The following CDC42BPA variants were observed in gnomAD, a reference collection of about 807,000 sequenced individuals.
The protein encoded by CDC42BPA is serine/threonine-protein kinase MRCK alpha.
A neutral mutation model predicts 223.5 loss-of-function variants in CDC42BPA; 80 were observed. The ratio of observed to expected loss-of-function variants is 0.36; its 90% CI spans 0.30 to 0.43. The LOEUF (loss-of-function observed/expected upper bound fraction) is 0.43. Ranked by LOEUF, CDC42BPA falls within the 20% of genes least tolerant of loss-of-function variation. The pLI is 1.00. For synonymous variants in CDC42BPA, 694 were observed against 718.6 expected, an observed-to-expected ratio of 0.97 and a Z score of 0.55; for missense variants, 1,743 against 2,099.9, an observed-to-expected ratio of 0.83 and a Z score of 3.32.
At chr1:227,251,082 T>A (rs932382805) in intron 2 of CDC42BPA, among the ~76,000 whole-genome samples, 1 of 152,094 alleles carries the variant, frequency 6.6e-6, no homozygotes, top group Non-Finnish European at 1.5e-5. Flanking sequence ...TTAAAGGGAA[T>A]TTTTAAGTCA....
chr1:227,068,842 T>C (rs543992385), intron 21 of CDC42BPA: 2 of 196,564 alleles, frequency 1.0e-5, no homozygotes, highest in Non-Finnish European at 2.2e-5. Context: ...GCAGTCACTA[T>C]CATTGTTCTT....
intron 6 of CDC42BPA, among the ~76,000 whole-genome samples, chr1:227,148,700 G>C (rs1014905821): frequency 4.2e-5 from 6 of 143,430 alleles, no homozygotes; most frequent in Admixed American, 1.5e-4. Context: ...CCGGGAGGCG[G>C]AGCTTGCAGT....
At position 227,205,305 on chromosome 1, in the gene CDC42BPA, T is replaced by TGC. The variant is rs1558758041; in HGVS notation, c.355-5654_355-5653insGC. Among the ~76,000 whole-genome samples the TGC allele has an allele frequency of 7.8e-5, 10 of 128,088 alleles. No homozygotes were observed. In the East Asian group the frequency reaches 2.1e-3, roughly 27 times the overall value. 84.0% of individuals were successfully genotyped at this position (128,088 alleles called of 152,430 possible). ...AAAAATATATATATATATATATATATACACACACACACACAGAGAGCCATT... is the reference window on the plus strand; with the variant it reads ...AAAAATATATATATATATATATATATGCACACACACACACACAGAGAGCCATT... On this transcript the variant is annotated intron_variant, in intron 3 of 36. Coordinates refer to ENST00000366766, the MANE Select transcript of CDC42BPA (RefSeq NM_001394014.1).
intron 32 of CDC42BPA, among the ~76,000 whole-genome samples, chr1:227,022,650 T>A (rs1469237751): frequency 1.3e-5 from 2 of 152,154 alleles, no homozygotes; most frequent in African/African-American, 2.4e-5. Context: ...CAAACAACAT[T>A]TAATTCTATG....
chr1:227,129,025 G>T, intron 11 of CDC42BPA, 84 bp downstream of exon 11: 1 of 918,520 alleles, frequency 1.1e-6, no homozygotes, highest in South Asian at 1.7e-5. Flanking sequence ...ACACAGACAG[G>T]TTCTCAATAG....
intron 10 of CDC42BPA, among the ~76,000 whole-genome samples, chr1:227,138,524 CAAA>C (rs61617075): frequency 2.1e-5 from 2 of 96,180 alleles, no homozygotes; most frequent in African/African-American, 4.0e-5. Flanking sequence ...CCCCAGAAGC[CAAA>C]AAAAAAAAAA....
At chr1:227,071,826 G>A (rs1678440325) in intron 20 of CDC42BPA, among the ~76,000 whole-genome samples, 1 of 148,342 alleles carries the variant, frequency 6.7e-6, no homozygotes, top group Non-Finnish European at 1.5e-5. Context: ...CACTGTCAGA[G>A]TGATAACCTC....
intron 2 of CDC42BPA, among the ~76,000 whole-genome samples, chr1:227,214,824 C>T (rs1674545714): frequency 6.6e-6 from 1 of 152,108 alleles, no homozygotes; most frequent in African/African-American, 2.4e-5. Flanking sequence ...CTACTAATAA[C>T]AGTAGTGGTA....
Position 227,261,124 on chromosome 1 carries a change from C to CTTTTTTTT in CDC42BPA, c.179-6977_179-6970dup, listed in dbSNP as rs386369874. ...TTTTTAACAGAATAATTGAGTTTTTCTTTTTTTTTGAGACAGAGTCTCGCT... is the reference window on the plus strand; with the variant it reads ...TTTTTAACAGAATAATTGAGTTTTTCTTTTTTTTTTTTTTTTTGAGACAGAGTCTCGCT... On this transcript the variant is annotated intron_variant, in intron 1 of 36. Coordinates refer to ENST00000366766, the MANE Select transcript of CDC42BPA (RefSeq NM_001394014.1). Among the ~76,000 whole-genome samples the CTTTTTTTT allele has an allele frequency of 4.0e-4, 49 of 121,022 alleles. 1 individual carries two copies. The South Asian group carries it at 6.7e-3, about 16-fold the overall frequency. The allele number at this position is 121,022 out of a possible 152,430, so 79.4% of individuals were successfully genotyped here.
In CDC42BPA at chr1:227,317,053, T is replaced by C. The variant is rs773215967; in HGVS notation, c.130A>G (p.Asn44Asp). Residue 44 changes from asparagine (N) to aspartate (D), a missense_variant, in exon 1 of 37, where the codon AAT (asparagine) becomes GAT (aspartate). By Grantham distance (23) the Asn-to-Asp change is conservative. This residue lies in a region of CDC42BPA where 321 missense variants were observed against 488.7 expected (regional missense o/e 0.66). Transcript: ENST00000366766. Reference protein sequence around the residue: ...ILICLYDECNNSPLRREKNIL... With the variant: ...ILICLYDECNDSPLRREKNIL... Reference sequence around the variant, plus strand: ...TTCTTCTCTCTTCTCAATGGAGAATTATTGCATTCATCATAAAGGCAGATG... The same window carrying C: ...TTCTTCTCTCTTCTCAATGGAGAATCATTGCATTCATCATAAAGGCAGATG... 6 of 1,613,764 alleles carry C rather than the reference T, an allele frequency of 3.7e-6. No individual in the cohort carries two copies. Among genetic ancestry groups the C allele is most frequent in the Non-Finnish European group, 2.5e-6 (3 of 1,179,772 alleles).
At chr1:227,207,367 CTTTTT>C (rs1275751280) in intron 3 of CDC42BPA, among the ~76,000 whole-genome samples, 2 of 93,816 alleles carry the variant, frequency 2.1e-5, no homozygotes, top group Non-Finnish European at 4.6e-5. Context: ...TTTTCTTTTT[CTTTTT>C]TTTTTATTAT....
At chr1:227,000,434 T>C (rs1221495599) in intron 35 of CDC42BPA, among the ~76,000 whole-genome samples, 1 of 152,238 alleles carries the variant, frequency 6.6e-6, no homozygotes, top group East Asian at 1.9e-4. Context: ...CTTTAACATT[T>C]TGTTATTCTG....
At position 227,116,613 on chromosome 1, in the gene CDC42BPA, G is replaced by C. The variant is rs1323230837; in HGVS notation, c.1647+3191C>G. On this transcript the variant is annotated intron_variant, in intron 12 of 36. Coordinates refer to ENST00000366766, the MANE Select transcript of CDC42BPA (RefSeq NM_001394014.1). The stretch of plus-strand genomic sequence containing the variant: ...CTTTTCTGTATGAAATTTTATGGAA[G>C]AACATTTTAAAAGAACTTTAAATAT... Among the ~76,000 whole-genome samples the C allele has an allele frequency of 5.3e-5, 8 of 152,038 alleles. No homozygotes were observed. In the East Asian group the frequency reaches 1.5e-3, roughly 29 times the overall value.
intron 12 of CDC42BPA, among the ~76,000 whole-genome samples, chr1:227,115,116 G>A (rs1253821271): frequency 6.6e-6 from 1 of 151,950 alleles, no homozygotes; most frequent in African/African-American, 2.4e-5. Context: ...TGTTTAGATG[G>A]TAATTTTATG....
chr1:227,062,500 G>A (rs1407150582), intron 21 of CDC42BPA, among the ~76,000 whole-genome samples: 3 of 151,846 alleles, frequency 2.0e-5, no homozygotes, highest in East Asian at 1.9e-4. Flanking sequence ...TTTCCAATTA[G>A]ACTGTCAGGG....
At chr1:227,266,476 G>A (rs1199724096) in intron 1 of CDC42BPA, among the ~76,000 whole-genome samples, 1 of 152,200 alleles carries the variant, frequency 6.6e-6, no homozygotes, top group Non-Finnish European at 1.5e-5. Flanking sequence ...GACTTATTTA[G>A]TAATAAATGT....
intron 2 of CDC42BPA, among the ~76,000 whole-genome samples, chr1:227,245,971 G>GT (rs1680870181): frequency 6.6e-6 from 1 of 152,174 alleles, no homozygotes; most frequent in African/African-American, 2.4e-5. Context: ...TTGCTTTCAG[G>GT]TATCACAGTG....
At chr1:227,310,829 G>A (rs1283575083) in intron 1 of CDC42BPA, among the ~76,000 whole-genome samples, 1 of 150,928 alleles carries the variant, frequency 6.6e-6, no homozygotes, top group Non-Finnish European at 1.5e-5. Context: ...TGGGACTACA[G>A]GCACCCGTCA....
At chr1:227,091,756 AAG>A in intron 16 of CDC42BPA, 128 bp downstream of exon 16, 1 of 524,362 alleles carries the variant, frequency 1.9e-6, no homozygotes, top group Non-Finnish European at 3.3e-6. Flanking sequence ...TATATCATAG[AAG>A]CAACATAACT....
Sources: allele counts gnomAD v4.1 joint callset (sites outside exome capture counted in the v4.1 genomes callset), GRCh38; gene constraint gnomAD v4.1.1; regional missense constraint gnomAD v4.1.1; transcripts MANE v1.5; gene names NCBI Gene and HGNC (gene_info 2026-07-23, HGNC 2026-07-21).